Variants in TNS1 observed in about 807,000 individuals in gnomAD.
TNS1 encodes tensin-1.
A neutral mutation model predicts 168.6 loss-of-function variants in TNS1; 62 were observed. The observed-to-expected ratio is 0.37, with a 90% CI of 0.30 to 0.45. TNS1 has a LOEUF of 0.45. TNS1 is among the 20% of genes least tolerant of loss of function. The pLI, the probability that TNS1 is intolerant of heterozygous loss-of-function variation, is 1.00. For missense variants in TNS1, 2,240 were observed against 2,339.4 expected, an observed-to-expected ratio of 0.96 and a Z score of 0.88; for synonymous variants, 934 against 933.2, an observed-to-expected ratio of 1.00 and a Z score of -0.02.
chr2:217,900,667 G>C, intron 6 of TNS1, 155 bp from the exon 7 acceptor site: 1 of 789,570 alleles, frequency 1.3e-6, no homozygotes, highest in Non-Finnish European at 2.0e-6. Context: ...AACACAGCCT[G>C]CCCGAAGCCA....
intron 3 of TNS1, among the ~76,000 whole-genome samples, chr2:217,968,325 T>C (rs1390610119): frequency 6.6e-6 from 1 of 152,116 alleles, no homozygotes; most frequent in Non-Finnish European, 1.5e-5. Flanking sequence ...ATAAAAAGCA[T>C]CCTGGTTGGA....
chr2:217,907,767 T>C (rs1420052075), intron 4 of TNS1, among the ~76,000 whole-genome samples: 1 of 152,196 alleles, frequency 6.6e-6, no homozygotes, highest in Non-Finnish European at 1.5e-5. Flanking sequence ...ATTACTTCAG[T>C]GGGCTTTCAG....
At chr2:217,872,468 T>A (rs1262729266) in intron 18 of TNS1, among the ~76,000 whole-genome samples, 2 of 152,250 alleles carry the variant, frequency 1.3e-5, no homozygotes, top group Non-Finnish European at 2.9e-5. Flanking sequence ...TTCAACATCA[T>A]CAATTCTTAG....
At chr2:217,908,213 C>T (rs1953933222) in intron 4 of TNS1, among the ~76,000 whole-genome samples, 1 of 152,206 alleles carries the variant, frequency 6.6e-6, no homozygotes, top group African/African-American at 2.4e-5. Flanking sequence ...TCCCATCCCT[C>T]ACTCTGGCAC....
chr2:218,015,105 T>C (rs1958746272), upstream of TNS1, among the ~76,000 whole-genome samples: 2 of 152,046 alleles, frequency 1.3e-5, no homozygotes, highest in Admixed American at 1.3e-4. Context: ...TGGTGAGAGC[T>C]CCCATCTCCC....
chr2:217,833,137 C>T (rs942204647), intron 21 of TNS1, among the ~76,000 whole-genome samples: 17 of 152,222 alleles, frequency 1.1e-4, no homozygotes, highest in African/African-American at 3.9e-4. Flanking sequence ...AACCACGAAG[C>T]AGCCCCAGCC....
chr2:217,840,357 T>C lies in TNS1; in HGVS notation c.3008-4146A>G, dbSNP rs531018335. On this transcript the variant is annotated intron_variant, in intron 19 of 32. Transcript: ENST00000682258. Reference sequence around the variant, plus strand: ...CAGGGGTAGATGTTAGTGGACGGCATCATTCTCAAATGAATTACTGTGACC... The same window carrying C: ...CAGGGGTAGATGTTAGTGGACGGCACCATTCTCAAATGAATTACTGTGACC... Among the ~76,000 whole-genome samples, 3 of 152,322 alleles carry C rather than the reference T, an allele frequency of 2.0e-5. No individual in the cohort carries two copies. In the East Asian group the frequency reaches 5.8e-4, roughly 29 times the overall value.
At chr2:217,909,343 T>C (rs1435277568) in intron 4 of TNS1, among the ~76,000 whole-genome samples, 10 of 152,122 alleles carry the variant, frequency 6.6e-5, no homozygotes, top group Admixed American at 2.0e-4. Flanking sequence ...ACTCCTGACC[T>C]GTCCGCTACC....
At chr2:217,996,650 A>T (rs1958475503) in intron 1 of TNS1, among the ~76,000 whole-genome samples, 1 of 151,826 alleles carries the variant, frequency 6.6e-6, no homozygotes, top group African/African-American at 2.4e-5. Flanking sequence ...TGCCTCCTAA[A>T]CATTCATCGT....
At chr2:217,968,235 T>C (rs1290795431) in intron 3 of TNS1, among the ~76,000 whole-genome samples, 6 of 152,210 alleles carry the variant, frequency 3.9e-5, no homozygotes, top group Admixed American at 6.5e-5. Context: ...GTTCGGGAAC[T>C]AGACAACAAT....
chr2:217,834,314 G>T (rs1038229377), intron 21 of TNS1, among the ~76,000 whole-genome samples: 2 of 152,242 alleles, frequency 1.3e-5, no homozygotes, highest in Admixed American at 6.5e-5. Context: ...GCCAGGCCCA[G>T]CCAACCTGAT....
intron 10 of TNS1, 101 bp from the exon 11 acceptor site, chr2:217,893,113 G>C (rs945922164): frequency 4.9e-6 from 7 of 1,424,044 alleles, no homozygotes; most frequent in East Asian, 2.3e-5. Context: ...GGGCTGGAGA[G>C]AGGGGTGTGG....
chr2:217,830,476 C>T lies in TNS1; in HGVS notation c.3373+979G>A, dbSNP rs1944259084. On this transcript the variant is annotated intron_variant, in intron 22 of 32. Transcript: ENST00000682258. ...GGGAGCAGCTTTCTGAGTTCAGTGG[C>T]CCCACATGGCCACCAAGGGCCCAGG... is the stretch of plus-strand genomic sequence containing the variant. The T allele has an allele frequency of 2.0e-6, 3 of 1,502,452 alleles. No individual in the cohort carries two copies. The South Asian group carries it at 3.7e-5, about 18-fold the overall frequency. 93.1% of individuals were successfully genotyped at this position (1,502,452 alleles called of 1,614,324 possible). A position where few individuals can be genotyped will look rare whatever the true frequency, so the allele number is the denominator to read the frequency against.
At chr2:217,805,536 A>AT (rs1938596604) in intron 32 of TNS1, among the ~76,000 whole-genome samples, 4 of 2,012 alleles carry the variant, frequency 2.0e-3, no homozygotes, top group Admixed American at 6.0e-3. Flanking sequence ...CACACACACC[A>AT]CACACACCAC....
Position 217,836,045 on chromosome 2 carries a change from G to T in TNS1, c.3174C>A (p.Ile1058=). ...QCVSPELALT[I]ALNPGGRPKE... ...TGGGCCGCCCTCCAGGATTGAGAGC[G>T]ATGGTAAGAGCCAGCTCCGGGGAGA... Residue 1058 remains isoleucine (I), a synonymous_variant, in exon 20 of 33, where the codon ATC becomes ATA. Coordinates refer to ENST00000682258, the MANE Select transcript of TNS1 (RefSeq NM_001387777.1). 1 of 1,613,992 alleles carries T rather than the reference G, an allele frequency of 6.2e-7. No individual in the cohort carries two copies. Among genetic ancestry groups the T allele is most frequent in the Non-Finnish European group, 8.5e-7 (1 of 1,179,918 alleles).
chr2:217,906,216 C>T (rs1953674856), intron 6 of TNS1, 119 bp downstream of exon 6: 2 of 643,416 alleles, frequency 3.1e-6, no homozygotes, highest in Admixed American at 4.6e-5. Flanking sequence ...GCCAGCCTCT[C>T]CTTCTAGAGA....
Position 218,024,092 on chromosome 2 carries a change from C to G in TNS1, c.156+9728G>C, listed in dbSNP as rs1029931036. 1.1e-4 allele frequency among the ~76,000 whole-genome samples: 16 copies of G among 152,174 alleles called. 1 individual carries two copies. On this transcript the variant is annotated intron_variant, in intron 1 of 1. Coordinates refer to the TNS1 transcript ENST00000649572. Reference sequence around the variant, plus strand: ...GCAGCTGAGGTGGGCTCTAGTCTGCCCATTCTACAGGTGATGAAGCTGAAG... The same window carrying G: ...GCAGCTGAGGTGGGCTCTAGTCTGCGCATTCTACAGGTGATGAAGCTGAAG...
At chr2:217,809,416 CATGG>C (rs1940181713) in intron 30 of TNS1, among the ~76,000 whole-genome samples, 2 of 3,912 alleles carry the variant, frequency 5.1e-4, no homozygotes, top group African/African-American at 3.1e-3. Flanking sequence ...TGGATGGATG[CATGG>C]ATGGATGGAT....
At chr2:217,842,162 C>T (rs1253182715) in intron 19 of TNS1, 7 of 702,358 alleles carry the variant, frequency 1.0e-5, no homozygotes, top group Non-Finnish European at 1.8e-5. Flanking sequence ...GGGACCTCTC[C>T]TTACCTGTCC....
Sources: gnomAD v4.1 joint callset for allele counts (sites outside exome capture counted in the v4.1 genomes callset) on GRCh38, gnomAD v4.1.1 for gene constraint, MANE v1.5 for transcripts, NCBI Gene and HGNC (gene_info 2026-07-23, HGNC 2026-07-21) for gene names.